The following MIPOL1 variants were observed in gnomAD, a reference collection of about 807,000 sequenced individuals.
The protein encoded by MIPOL1 is mirror-image polydactyly gene 1 protein.
In MIPOL1, 57 loss-of-function variants were observed where a neutral mutation model predicts 60.9. The ratio of observed to expected loss-of-function variants is 0.94; its 90% CI spans 0.76 to 1.17. The LOEUF (loss-of-function observed/expected upper bound fraction) is 1.17. Ranked by LOEUF, MIPOL1 falls within the 50% of genes most tolerant of loss-of-function variation. The pLI, the probability that MIPOL1 is intolerant of heterozygous loss-of-function variation, is 0.00. For missense variants in MIPOL1, 551 were observed against 511.6 expected, an observed-to-expected ratio of 1.08 and a Z score of -0.74; for synonymous variants, 179 against 168.8, an observed-to-expected ratio of 1.06 and a Z score of -0.47.
chr14:37,298,130 C>T lies in MIPOL1; in HGVS notation c.624-9926C>T, dbSNP rs534766904. Among the ~76,000 whole-genome samples the T allele has an allele frequency of 2.6e-5, 4 of 152,170 alleles. No homozygotes were observed. In the South Asian group the frequency reaches 6.2e-4, roughly 24 times the overall value. ...ATAGACCAATGGAACAAAATAGAGC[C>T]CTCAGAAATAATGCCGCATATCTAC... On this transcript the variant is annotated intron_variant, in intron 7 of 12. Coordinates refer to ENST00000684589, the MANE Select transcript of MIPOL1 (RefSeq NM_001388067.1).
chr14:37,199,309 T>C (rs1046484723), intron 1 of MIPOL1, among the ~76,000 whole-genome samples: 4 of 152,202 alleles, frequency 2.6e-5, no homozygotes, highest in Non-Finnish European at 5.9e-5. Context: ...TATCAATGAA[T>C]TTCACCTATT....
At chr14:37,475,417 A>G (rs191117170) in intron 11 of MIPOL1, among the ~76,000 whole-genome samples, 76 of 152,136 alleles carry the variant, frequency 5.0e-4, no homozygotes, top group Non-Finnish European at 9.9e-4. Flanking sequence ...AGAAATTTTT[A>G]CTTTTAATGA....
intron 10 of MIPOL1, chr14:37,385,536 C>A (rs1053444117): frequency 3.3e-5 from 5 of 152,140 alleles, no homozygotes; most frequent in East Asian, 1.9e-4. Context: ...ATGGCACAGG[C>A]CTTCAGGATG....
chr14:37,358,456 G>T (rs2091996468), intron 9 of MIPOL1, among the ~76,000 whole-genome samples: 1 of 152,104 alleles, frequency 6.6e-6, no homozygotes. Flanking sequence ...CTCCCACCAA[G>T]TGTAAAAGCG....
At chr14:37,442,041 A>G in intron 11 of MIPOL1, among the ~76,000 whole-genome samples, 1 of 151,546 alleles carries the variant, frequency 6.6e-6, no homozygotes, top group Non-Finnish European at 1.5e-5. Flanking sequence ...GATTTTTCAT[A>G]GATGACCTTT....
chr14:37,397,711 A>G (rs964089349), intron 10 of MIPOL1, among the ~76,000 whole-genome samples: 5 of 152,070 alleles, frequency 3.3e-5, no homozygotes, highest in Admixed American at 6.5e-5. Flanking sequence ...TAGGAGCATT[A>G]TGGCTGCCTC....
chr14:37,427,816 G>C (rs1214653092), intron 11 of MIPOL1, among the ~76,000 whole-genome samples: 1 of 152,126 alleles, frequency 6.6e-6, no homozygotes, highest in African/African-American at 2.4e-5. Context: ...AAATCTGTAT[G>C]TGAAACACAA....
intron 10 of MIPOL1, among the ~76,000 whole-genome samples, chr14:37,383,121 A>G (rs1225321504): frequency 6.6e-6 from 1 of 151,816 alleles, no homozygotes; most frequent in Non-Finnish European, 1.5e-5. Context: ...TCGTATCTAA[A>G]TGGCATTTAT....
chr14:37,522,914 G>C (rs2095423779), intron 12 of MIPOL1, among the ~76,000 whole-genome samples: 1 of 151,998 alleles, frequency 6.6e-6, no homozygotes, highest in African/African-American at 2.4e-5. Context: ...TTCTTACTTA[G>C]GGAGTGAAAC....
chr14:37,449,868 A>C (rs2153573685), intron 11 of MIPOL1, among the ~76,000 whole-genome samples: 1 of 152,132 alleles, frequency 6.6e-6, no homozygotes, highest in East Asian at 1.9e-4. Flanking sequence ...GCTGGAGTGC[A>C]GTGGTACTGT....
chr14:37,217,042 G>A (rs1967846354), intron 1 of MIPOL1, among the ~76,000 whole-genome samples: 1 of 152,080 alleles, frequency 6.6e-6, no homozygotes, highest in Non-Finnish European at 1.5e-5. Flanking sequence ...TAAGAAAAAA[G>A]AGAGGATCCA....
intron 12 of MIPOL1, among the ~76,000 whole-genome samples, chr14:37,536,432 G>A (rs928116748): frequency 7.2e-5 from 11 of 152,114 alleles, no homozygotes; most frequent in African/African-American, 1.2e-4. Flanking sequence ...AGATATTCCC[G>A]TATTTGAGTT....
chr14:37,340,231 G>GT (rs904436642), intron 9 of MIPOL1, among the ~76,000 whole-genome samples: 8 of 151,702 alleles, frequency 5.3e-5, no homozygotes, highest in Non-Finnish European at 1.2e-4. Flanking sequence ...TAATGTGTGT[G>GT]TTTTTGTCTT....
At chr14:37,416,812 G>A (rs1481352415) in intron 10 of MIPOL1, among the ~76,000 whole-genome samples, 3 of 150,256 alleles carry the variant, frequency 2.0e-5, no homozygotes, top group Non-Finnish European at 4.4e-5. Flanking sequence ...ATGTGGAAAG[G>A]TTTTCAGGGT....
intron 11 of MIPOL1, among the ~76,000 whole-genome samples, chr14:37,424,609 T>C (rs2093930425): frequency 6.6e-6 from 1 of 152,240 alleles, no homozygotes; most frequent in Non-Finnish European, 1.5e-5. Context: ...TGGTACTTTG[T>C]TATGGCTGTC....
At chr14:37,432,788 T>A (rs111270194) in intron 11 of MIPOL1, among the ~76,000 whole-genome samples, 1 of 152,190 alleles carries the variant, frequency 6.6e-6, no homozygotes, top group South Asian at 2.1e-4. Flanking sequence ...CGTGGTTGCT[T>A]TGTTTGGTCT....
downstream of MIPOL1, chr14:37,551,368 AACAGATTAAGTTCACTGTC>A (rs1336406255): frequency 6.6e-6 from 1 of 152,120 alleles, no homozygotes; most frequent in African/African-American, 2.4e-5. Context: ...GCAGTAAGGA[AACAGATTAAGTTCACTGTC>A]AAACTGTCTG....
intron 9 of MIPOL1, among the ~76,000 whole-genome samples, chr14:37,366,715 A>T (rs766600327): frequency 6.6e-6 from 1 of 151,926 alleles, no homozygotes; most frequent in South Asian, 2.1e-4. Context: ...GATTTTCTTT[A>T]TGGAAAATAT....
chr14:37,395,193 A>C (rs1247545483), intron 10 of MIPOL1, among the ~76,000 whole-genome samples: 2 of 152,010 alleles, frequency 1.3e-5, no homozygotes, highest in African/African-American at 4.8e-5. Context: ...CAGGTAGTGC[A>C]ATACTTCCAA....
Sources: gnomAD v4.1 joint callset for allele counts (sites outside exome capture counted in the v4.1 genomes callset) on GRCh38, gnomAD v4.1.1 for gene constraint, MANE v1.5 for transcripts, NCBI Gene and HGNC (gene_info 2026-07-23, HGNC 2026-07-21) for gene names.